The following ASTN1 variants were observed in gnomAD, a reference collection of about 807,000 sequenced individuals.
ASTN1 encodes astrotactin-1.
A neutral mutation model predicts 140.7 loss-of-function variants in ASTN1; 41 were observed. The ratio of observed to expected loss-of-function variants is 0.29; its 90% confidence interval spans 0.23 to 0.38. ASTN1 has a LOEUF of 0.38. ASTN1 is among the 10% of genes least tolerant of loss of function. The pLI is 1.00. For missense variants in ASTN1, 1,479 were observed against 1,678.8 expected, an observed-to-expected ratio of 0.88 and a Z score of 2.08; for synonymous variants, 640 against 652.2, an observed-to-expected ratio of 0.98 and a Z score of 0.29.
At chr1:177,040,357 A>G (rs1028727197) in intron 2 of ASTN1, among the ~76,000 whole-genome samples, 1 of 152,208 alleles carries the variant, frequency 6.6e-6, no homozygotes, top group Non-Finnish European at 1.5e-5. Context: ...CCCCACTGGC[A>G]GGGCCCAGCC....
intron 1 of ASTN1, among the ~76,000 whole-genome samples, chr1:177,161,231 C>T (rs1647339851): frequency 6.6e-6 from 1 of 152,180 alleles, no homozygotes; most frequent in Admixed American, 6.5e-5. Context: ...CCACATGCCA[C>T]TCTACAGAGC....
intron 8 of ASTN1, among the ~76,000 whole-genome samples, chr1:176,998,665 C>T (rs971373347): frequency 3.9e-5 from 6 of 152,168 alleles, no homozygotes; most frequent in Non-Finnish European, 5.9e-5. Flanking sequence ...CCCACCCGAC[C>T]GCTGTGCACA....
At chr1:177,100,475 A>AG (rs1680247090) in intron 1 of ASTN1, among the ~76,000 whole-genome samples, 1 of 152,112 alleles carries the variant, frequency 6.6e-6, no homozygotes, top group South Asian at 2.1e-4. Context: ...CTGATACCCC[A>AG]GTCCCCTGAA....
At chr1:177,133,545 A>G (rs1361792426) in intron 1 of ASTN1, among the ~76,000 whole-genome samples, 3 of 152,222 alleles carry the variant, frequency 2.0e-5, no homozygotes, top group Admixed American at 2.0e-4. Flanking sequence ...TAAAAGCATC[A>G]TGATGGGGCA....
Position 177,071,394 on chromosome 1 carries a change from T to C in ASTN1, c.284-10129A>G, listed in dbSNP as rs12035270. Among the ~76,000 whole-genome samples, 325 of 152,334 alleles carry C rather than the reference T, an allele frequency of 2.1e-3. 8 individuals carry two copies. In the East Asian group the frequency reaches 0.061, roughly 29 times the overall value. ...AGGGAAGAGGGAAGGAGCAAATGGA[T>C]GCAATATTAAAATAACAGTTATGCT... is the stretch of plus-strand genomic sequence containing the variant. On this transcript the variant is annotated intron_variant, in intron 1 of 22. Coordinates refer to ENST00000361833, the MANE Select transcript of ASTN1 (RefSeq NM_004319.3).
intron 22 of ASTN1, 144 bp from the exon 23 acceptor site, chr1:176,864,665 C>G (rs778850800): frequency 1.8e-4 from 209 of 1,154,380 alleles, no homozygotes; most frequent in Non-Finnish European, 2.4e-4. Flanking sequence ...GCACTTGGAA[C>G]AGTGAGTCCT....
At chr1:177,018,120 T>C (rs1675647762) in intron 7 of ASTN1, among the ~76,000 whole-genome samples, 1 of 138,806 alleles carries the variant, frequency 7.2e-6, no homozygotes, top group Admixed American at 7.3e-5. Flanking sequence ...AATTGTTTGA[T>C]CTCCCTTCCC....
chr1:177,039,070 T>G (rs1037944191), intron 2 of ASTN1, among the ~76,000 whole-genome samples: 1 of 152,214 alleles, frequency 6.6e-6, no homozygotes, highest in East Asian at 1.9e-4. Flanking sequence ...CTGGGCTTTC[T>G]GAACCCTTGG....
At chr1:176,892,252 A>C (rs1557939327) in intron 17 of ASTN1, among the ~76,000 whole-genome samples, 1 of 152,200 alleles carries the variant, frequency 6.6e-6, no homozygotes, top group Non-Finnish European at 1.5e-5. Context: ...AATTATCTGA[A>C]GTTCATATTA....
chr1:176,872,378 G>T (rs564435522), intron 21 of ASTN1, among the ~76,000 whole-genome samples: 2 of 152,176 alleles, frequency 1.3e-5, no homozygotes, highest in East Asian at 3.9e-4. Flanking sequence ...GAGACAGTCA[G>T]GTCAGGTAAG....
chr1:177,011,039 C>T (rs951807969), intron 8 of ASTN1, among the ~76,000 whole-genome samples: 4 of 152,106 alleles, frequency 2.6e-5, no homozygotes, highest in African/African-American at 9.7e-5. Context: ...GTAAACAAGA[C>T]CTCTTTGCTA....
At chr1:177,118,720 G>T (rs1344394926) in intron 1 of ASTN1, among the ~76,000 whole-genome samples, 1 of 152,112 alleles carries the variant, frequency 6.6e-6, no homozygotes, top group South Asian at 2.1e-4. Context: ...CATGGCATTT[G>T]GTTTGCCAAT....
intron 2 of ASTN1, among the ~76,000 whole-genome samples, chr1:177,037,849 T>C (rs1676797152): frequency 6.6e-6 from 1 of 152,194 alleles, no homozygotes. Flanking sequence ...CATTTTAAAA[T>C]ACATTTTTCT....
intron 7 of ASTN1, among the ~76,000 whole-genome samples, chr1:177,020,986 T>C (rs1558036275): frequency 6.6e-6 from 1 of 152,174 alleles, no homozygotes; most frequent in African/African-American, 2.4e-5. Context: ...GTAAGCTAGC[T>C]AGAGGATTTC....
At chr1:177,043,025 A>C (rs1374937995) in intron 2 of ASTN1, among the ~76,000 whole-genome samples, 1 of 152,228 alleles carries the variant, frequency 6.6e-6, no homozygotes, top group Non-Finnish European at 1.5e-5. Flanking sequence ...TAATTTAACC[A>C]ATATGGCCAA....
chr1:176,886,626 G>C (rs1336981480), intron 18 of ASTN1, among the ~76,000 whole-genome samples: 1 of 152,212 alleles, frequency 6.6e-6, no homozygotes, highest in Non-Finnish European at 1.5e-5. Flanking sequence ...CTGTGGACAA[G>C]AGAAGAAATT....
At chr1:177,075,954 C>G (rs61813301) in intron 1 of ASTN1, among the ~76,000 whole-genome samples, 22,669 of 152,036 alleles carry the variant, frequency 0.15, 2,332 homozygotes, top group Non-Finnish European at 0.23. Context: ...ACCTTTTGAT[C>G]TCATGTGAGA....
intron 1 of ASTN1, among the ~76,000 whole-genome samples, chr1:177,097,855 C>T (rs2102122215): frequency 6.6e-6 from 1 of 152,216 alleles, no homozygotes; most frequent in Middle Eastern, 3.4e-3. Flanking sequence ...CTCCGTAAAA[C>T]CCCTAAATGA....
At chr1:177,027,705 C>G (rs1290678445) in intron 5 of ASTN1, among the ~76,000 whole-genome samples, 1 of 144,256 alleles carries the variant, frequency 6.9e-6, no homozygotes, top group Admixed American at 7.1e-5. Flanking sequence ...TTTTGAGAAA[C>G]CCAGTACAGT....
Sources: allele counts gnomAD v4.1 joint callset (sites outside exome capture counted in the v4.1 genomes callset), GRCh38; gene constraint gnomAD v4.1.1; transcripts MANE v1.5; gene names NCBI Gene and HGNC (gene_info 2026-07-23, HGNC 2026-07-21).